CLDN18: variants seen among roughly 807,000 people sequenced by gnomAD.
CLDN18 encodes the protein claudin 18, also known as claudin-18.
A neutral mutation model predicts 25.0 loss-of-function variants in CLDN18; 20 were observed. The observed-to-expected ratio is 0.80, with a 90% confidence interval of 0.56 to 1.16. The LOEUF (loss-of-function observed/expected upper bound fraction) is 1.16, where lower values mean the gene tolerates loss of function less well. CLDN18 is among the 50% of genes most tolerant of loss of function. The probability of loss-of-function intolerance (pLI) is 0.00; values close to 1 mark genes in which losing one functional copy is unlikely to be tolerated. For synonymous variants in CLDN18, 125 were observed against 135.6 expected, an observed-to-expected ratio of 0.92 and a Z score of 0.54; for missense variants, 297 against 345.4, an observed-to-expected ratio of 0.86 and a Z score of 1.11.
intron 1 of CLDN18, among the ~76,000 whole-genome samples, chr3:138,020,527 T>C (rs138756320): frequency 2.4e-3 from 371 of 152,360 alleles, no homozygotes; most frequent in African/African-American, 7.3e-3. Flanking sequence ...TCTCATTGAT[T>C]GCCGATTCTT....
chr3:137,999,039 C>G, exon 1 of CLDN18: 1 of 1,614,208 alleles, frequency 6.2e-7, no homozygotes. Flanking sequence ...TCCGAGAGAG[C>G]TCTGGCTTCA....
intron 1 of CLDN18, among the ~76,000 whole-genome samples, chr3:138,017,563 G>A (rs543087281): frequency 5.3e-5 from 8 of 152,278 alleles, no homozygotes; most frequent in Admixed American, 5.2e-4. Flanking sequence ...CTTCTCATAA[G>A]TATCATTTTT....
At position 138,023,750 on chromosome 3, in the gene CLDN18, C is replaced by A; in HGVS notation, c.313C>A (p.Arg105Ser). ...LVSIFALKCIRIGSMEDSAKA... is the reference protein window; with the variant it reads ...LVSIFALKCISIGSMEDSAKA... The stretch of plus-strand genomic sequence containing the variant: ...ATCCATCTTTGCCCTGAAATGCATC[C>A]GCATTGGCAGCATGGAGGACTCTGC... Residue 105 changes from arginine (R) to serine (S), a missense_variant, in exon 2 of 5, where the codon CGC (arginine) becomes AGC (serine). By Grantham distance (110) the Arg-to-Ser change is moderately radical. Transcript: ENST00000183605. 1 of 1,614,026 alleles carries A rather than the reference C, an allele frequency of 6.2e-7. No homozygotes were observed. The highest frequency in any genetic ancestry group is 1.1e-5 in the South Asian group (1 of 91,054).
At chr3:138,016,712 G>A (rs1295555676) in intron 1 of CLDN18, among the ~76,000 whole-genome samples, 5 of 152,152 alleles carry the variant, frequency 3.3e-5, no homozygotes, top group African/African-American at 2.4e-5. Flanking sequence ...CTACATATCT[G>A]GACCTCACTT....
At chr3:138,008,235 G>T (rs1230319035), upstream of CLDN18, among the ~76,000 whole-genome samples, 1 of 138,020 alleles carries the variant, frequency 7.2e-6, no homozygotes, top group Non-Finnish European at 1.6e-5. Flanking sequence ...GAGTGTGGGG[G>T]TGTGTGGGGG....
Position 138,031,258 on chromosome 3 carries a change from C to T in CLDN18, c.*117C>T. 1 of 937,408 alleles carries T rather than the reference C, an allele frequency of 1.1e-6. No individual in the cohort carries two copies. The highest frequency in any genetic ancestry group is 2.8e-5 in the Admixed American group (1 of 35,666). 58.1% of individuals were successfully genotyped at this position (937,408 alleles called of 1,614,324 possible). The stretch of plus-strand genomic sequence containing the variant: ...GACTCACAGCTGGAAGTTAGAAAAG[C>T]CTCGATTTCATCTTTGGAGAGGCCA... On this transcript the variant is annotated 3_prime_UTR_variant, in exon 5 of 5. Transcript: ENST00000183605.
chr3:138,029,906 A>C lies in CLDN18; in HGVS notation c.613A>C (p.Asn205His). 1 of 1,565,320 alleles carries C rather than the reference A, an allele frequency of 6.4e-7. No individual in the cohort carries two copies. Among genetic ancestry groups the C allele is most frequent in the African/African-American group, 1.3e-5 (1 of 74,386 alleles). ...ACRGLAPEET[N>H]YKAVSYHASG... Reference sequence around the variant, plus strand: ...CCGGGGCCTGGCACCAGAAGAAACCAAGTGAGTCTCCCTGTTCCGCTGCAA... The same window carrying C: ...CCGGGGCCTGGCACCAGAAGAAACCCAGTGAGTCTCCCTGTTCCGCTGCAA... The change falls in exon 4 of 5, where the codon AAC (asparagine) becomes CAC (histidine). Residue 205 changes from asparagine (N) to histidine (H), a missense_variant and splice_region_variant. Asn to His is a moderately conservative substitution (Grantham distance 68, BLOSUM62 1). Transcript: ENST00000183605.
intron 1 of CLDN18, among the ~76,000 whole-genome samples, chr3:138,019,894 A>G (rs1432425912): frequency 2.0e-5 from 3 of 152,218 alleles, no homozygotes; most frequent in Non-Finnish European, 2.9e-5. Flanking sequence ...TTCAGGTCTG[A>G]TAACACTTCA....
At chr3:138,014,613 G>A (rs1363992057) in intron 1 of CLDN18, among the ~76,000 whole-genome samples, 2 of 152,106 alleles carry the variant, frequency 1.3e-5, no homozygotes, top group East Asian at 3.9e-4. Context: ...GTATACCCCA[G>A]TTCTGCCTAT....
chr3:138,026,737 A>G (rs1942332228), intron 3 of CLDN18, among the ~76,000 whole-genome samples: 1 of 152,188 alleles, frequency 6.6e-6, no homozygotes, highest in African/African-American at 2.4e-5. Context: ...GAGTTCTTTA[A>G]GAAAAGGGAG....
In CLDN18 at chr3:138,031,091, C is replaced by T. The variant is rs765684908; in HGVS notation, c.736C>T (p.Arg246Cys). 20 of 1,613,912 alleles carry T rather than the reference C, an allele frequency of 1.2e-5. No individual in the cohort carries two copies. Among genetic ancestry groups the T allele is most frequent in the Non-Finnish European group, 1.5e-5 (18 of 1,180,024 alleles). ...KNKKIYDGGA[R>C]TEDEVQSYPS... ...CAAGAAGATATACGATGGAGGTGCC[C>T]GCACAGAGGACGAGGTACAATCTTA... The change falls in exon 5 of 5, where the codon CGC (arginine) becomes TGC (cysteine). Residue 246 changes from arginine (R) to cysteine (C), a missense_variant. By Grantham distance (180) the Arg-to-Cys change is radical (BLOSUM62 -3). Coordinates refer to ENST00000183605, the MANE Select transcript of CLDN18 (RefSeq NM_016369.4).
chr3:138,021,524 C>A (rs1942270038), intron 1 of CLDN18, among the ~76,000 whole-genome samples: 1 of 152,160 alleles, frequency 6.6e-6, no homozygotes, highest in South Asian at 2.1e-4. Context: ...GAAAACTACC[C>A]ACCAGGATGC....
upstream of CLDN18, among the ~76,000 whole-genome samples, chr3:138,008,219 G>C (rs1451207376): frequency 6.9e-6 from 1 of 145,054 alleles, no homozygotes; most frequent in Non-Finnish European, 1.5e-5. Flanking sequence ...TATGTATGTG[G>C]GGGGGGAGTG....
intron 3 of CLDN18, among the ~76,000 whole-genome samples, chr3:138,027,307 A>G (rs1034701848): frequency 1.4e-4 from 21 of 152,202 alleles, no homozygotes; most frequent in Admixed American, 3.3e-4. Flanking sequence ...TTTCCCATAT[A>G]TTACAGTTGA....
intron 1 of CLDN18, among the ~76,000 whole-genome samples, chr3:138,018,064 G>C (rs953802362): frequency 4.6e-5 from 7 of 152,304 alleles, no homozygotes; most frequent in Non-Finnish European, 1.0e-4. Context: ...TTCATGGTGG[G>C]GAGACACATC....
At chr3:138,008,402 G>A (rs1263923559), upstream of CLDN18, among the ~76,000 whole-genome samples, 3 of 152,050 alleles carry the variant, frequency 2.0e-5, no homozygotes, top group East Asian at 1.9e-4. Context: ...TCAGGAGTTC[G>A]AGGCCAGCCT....
chr3:138,030,179 A>G (rs1942371354), intron 4 of CLDN18, among the ~76,000 whole-genome samples: 1 of 152,232 alleles, frequency 6.6e-6, no homozygotes, highest in Non-Finnish European at 1.5e-5. Flanking sequence ...GTTCTCAACT[A>G]GGAGCAATTT....
chr3:138,016,979 C>T (rs2107882218), intron 1 of CLDN18, among the ~76,000 whole-genome samples: 1 of 151,968 alleles, frequency 6.6e-6, no homozygotes, highest in Admixed American at 6.6e-5. Flanking sequence ...TTGCTTGAAC[C>T]CAGGAGGCAG....
chr3:138,004,045 A>G (rs1400733629), intron 1 of CLDN18, among the ~76,000 whole-genome samples: 1 of 152,026 alleles, frequency 6.6e-6, no homozygotes, highest in Non-Finnish European at 1.5e-5. Flanking sequence ...GTGGTGGTGC[A>G]CGCCTGTAGT....
Sources: gnomAD v4.1 joint callset for allele counts (sites outside exome capture counted in the v4.1 genomes callset) on GRCh38, gnomAD v4.1.1 for gene constraint, MANE v1.5 for transcripts, NCBI Gene and HGNC (gene_info 2026-07-23, HGNC 2026-07-21) for gene names.